Variants in PDHX observed in about 807,000 individuals in gnomAD.
The protein encoded by PDHX is pyruvate dehydrogenase complex component X.
PDHX carries 33 observed loss-of-function variants against 55.3 expected under a neutral mutation model. That is an observed-to-expected ratio of 0.60 (90% CI 0.45 to 0.80). The LOEUF (loss-of-function observed/expected upper bound fraction) is 0.80, where lower values mean the gene tolerates loss of function less well. PDHX is among the 30% of genes least tolerant of loss of function. The pLI, the probability that PDHX is intolerant of heterozygous loss-of-function variation, is 0.00. For missense variants in PDHX, 622 were observed against 619.9 expected (o/e 1.00, Z -0.04); for synonymous variants, 226 against 219.4 (o/e 1.03, Z -0.27).
chr11:34,991,661 C>T (rs1162649564), intron 9 of PDHX, among the ~76,000 whole-genome samples: 1 of 151,908 alleles, frequency 6.6e-6, no homozygotes, highest in Non-Finnish European at 1.5e-5. Flanking sequence ...GTAATCCCAC[C>T]ACTTTGGGAG....
At chr11:34,962,690 AG>A (rs1232182359) in intron 5 of PDHX, among the ~76,000 whole-genome samples, 2 of 152,206 alleles carry the variant, frequency 1.3e-5, no homozygotes, top group Non-Finnish European at 2.9e-5. Context: ...GGAAAAGTCA[AG>A]GATGGTAGGA....
In PDHX at chr11:34,995,526, T is replaced by A; in HGVS notation, c.*354T>A. 3.2e-6 allele frequency: 1 copy of A among 315,496 alleles called. No individual in the cohort carries two copies. The highest frequency in any genetic ancestry group is 6.1e-6 in the Non-Finnish European group (1 of 163,022). The allele number at this position is 315,496 out of a possible 1,614,324, so 19.5% of individuals were successfully genotyped here. A position where few individuals can be genotyped will look rare whatever the true frequency, so the allele number is the denominator to read the frequency against. On this transcript the variant is annotated 3_prime_UTR_variant, in exon 11 of 11. Transcript: ENST00000227868. ...TTGAGAATGTATGATACATGTAAAATTAAAAAAACTATTAGAACTGTACCA... is the reference window on the plus strand; with the variant it reads ...TTGAGAATGTATGATACATGTAAAAATAAAAAAACTATTAGAACTGTACCA...
intron 9 of PDHX, among the ~76,000 whole-genome samples, chr11:34,990,211 G>A (rs111480922): frequency 0.046 from 7,045 of 152,188 alleles, 526 homozygotes; most frequent in African/African-American, 0.16. Flanking sequence ...TACCTTATAA[G>A]TACCCAGTAA....
intron 7 of PDHX, among the ~76,000 whole-genome samples, chr11:34,977,098 C>T (rs1466453366): frequency 2.0e-5 from 3 of 152,090 alleles, no homozygotes; most frequent in East Asian, 3.8e-4. Context: ...TGACAGTTAT[C>T]GTGACAGTTT....
chr11:34,926,142 A>G (rs1020811936), intron 1 of PDHX, among the ~76,000 whole-genome samples: 2 of 152,196 alleles, frequency 1.3e-5, no homozygotes, highest in Non-Finnish European at 2.9e-5. Context: ...AACAAAGAAG[A>G]CTTATATGAC....
chr11:34,990,454 G>A (rs1461954765), intron 9 of PDHX, among the ~76,000 whole-genome samples: 1 of 152,058 alleles, frequency 6.6e-6, no homozygotes, highest in Non-Finnish European at 1.5e-5. Flanking sequence ...ATGTATTTAG[G>A]ATCTACAGAG....
chr11:34,960,602 A>G (rs1201266288), intron 5 of PDHX, 84 bp downstream of exon 5: 1 of 779,402 alleles, frequency 1.3e-6, no homozygotes, highest in Non-Finnish European at 2.2e-6. Flanking sequence ...GAGCTTATTC[A>G]GTCTTAAGAT....
upstream of PDHX, chr11:34,916,058 T>G: frequency 1.1e-6 from 1 of 872,162 alleles, no homozygotes; most frequent in Non-Finnish European, 1.7e-6. Flanking sequence ...CCTCGCAGCC[T>G]TGCTTCCGAA....
At chr11:34,970,015 A>G in intron 6 of PDHX, 124 bp from the exon 7 acceptor site, 1 of 802,530 alleles carries the variant, frequency 1.2e-6, no homozygotes. Context: ...TTCTTGTGTT[A>G]ATCTTTAATT....
intron 2 of PDHX, among the ~76,000 whole-genome samples, chr11:34,944,992 A>G (rs1440349310): frequency 6.6e-6 from 1 of 151,888 alleles, no homozygotes; most frequent in East Asian, 1.9e-4. Context: ...CCTCAGTTAG[A>G]TAATCAACTT....
chr11:34,942,234 G>A (rs1854505184), intron 2 of PDHX, among the ~76,000 whole-genome samples: 1 of 152,120 alleles, frequency 6.6e-6, no homozygotes, highest in Admixed American at 6.5e-5. Flanking sequence ...GATTCTGGTA[G>A]AAATGACAGA....
At chr11:34,940,652 C>A (rs562500806) in intron 2 of PDHX, among the ~76,000 whole-genome samples, 2 of 152,310 alleles carry the variant, frequency 1.3e-5, no homozygotes, top group East Asian at 3.9e-4. Context: ...TCACCACAAT[C>A]CAGTTTTAGA....
At chr11:34,953,139 G>A (rs1242030415) in intron 3 of PDHX, among the ~76,000 whole-genome samples, 2 of 152,168 alleles carry the variant, frequency 1.3e-5, no homozygotes, top group African/African-American at 4.8e-5. Context: ...TACGAGGGAC[G>A]TGAAGGACCT....
intron 3 of PDHX, among the ~76,000 whole-genome samples, chr11:34,948,508 TCTAA>T (rs1477977413): frequency 1.3e-5 from 2 of 152,230 alleles, no homozygotes; most frequent in African/African-American, 4.8e-5. Flanking sequence ...AATGCTATAC[TCTAA>T]CTAGGTGCAA....
intron 2 of PDHX, among the ~76,000 whole-genome samples, chr11:34,940,607 A>G (rs11032940): frequency 0.19 from 28,688 of 152,196 alleles, 3,884 homozygotes; most frequent in African/African-American, 0.39. Context: ...TAAGTATTCA[A>G]TGATTTTTAA....
In PDHX at chr11:34,959,312, A is replaced by G. The variant is rs148827944; in HGVS notation, c.543-1108A>G. The stretch of plus-strand genomic sequence containing the variant: ...ACATAGATGGCCAGCAGGCACATGA[A>G]AAATATGTTCACCGTCACTAACCAT... On this transcript the variant is annotated intron_variant, in intron 4 of 10. Coordinates refer to ENST00000227868, the MANE Select transcript of PDHX (RefSeq NM_003477.3). Among the ~76,000 whole-genome samples the G allele has an allele frequency of 1.2e-3, 189 of 152,292 alleles. 2 individuals are homozygous for G. Among genetic ancestry groups the G allele is most frequent in the African/African-American group, 4.3e-3 (179 of 41,562 alleles).
At chr11:34,967,412 T>C (rs1216943601) in intron 6 of PDHX, among the ~76,000 whole-genome samples, 2 of 152,190 alleles carry the variant, frequency 1.3e-5, no homozygotes, top group African/African-American at 2.4e-5. Flanking sequence ...CAGTAACATA[T>C]ATATTCTCTA....
intron 2 of PDHX, among the ~76,000 whole-genome samples, chr11:34,940,916 C>CGCGTTTTTA (rs2133956023): frequency 6.6e-6 from 1 of 152,224 alleles, no homozygotes; most frequent in Admixed American, 6.5e-5. Context: ...AAATTATATT[C>CGCGTTTTTA]CATCATTATG....
intron 7 of PDHX, among the ~76,000 whole-genome samples, chr11:34,970,848 A>G (rs1189003913): frequency 6.6e-6 from 1 of 152,226 alleles, no homozygotes; most frequent in Non-Finnish European, 1.5e-5. Context: ...TCTGGTTCCA[A>G]GTATTTTGGA....
Sources: gnomAD v4.1 joint callset for allele counts (sites outside exome capture counted in the v4.1 genomes callset) on GRCh38, gnomAD v4.1.1 for gene constraint, MANE v1.5 for transcripts, NCBI Gene and HGNC (gene_info 2026-07-23, HGNC 2026-07-21) for gene names.